The following RSPO2 variants were observed in gnomAD, a reference collection of about 807,000 sequenced individuals.
RSPO2 encodes the protein R-spondin 2.
Under a neutral mutation model 30.9 loss-of-function variants are expected in RSPO2, and 14 were observed. The observed-to-expected ratio is 0.45, with a 90% CI of 0.30 to 0.71. The LOEUF (loss-of-function observed/expected upper bound fraction) is 0.71. RSPO2 is among the 30% of genes least tolerant of loss of function. RSPO2 has a pLI of 0.08. For synonymous variants in RSPO2, 107 were observed against 96.4 expected (o/e 1.11, Z -0.64); for missense variants, 264 against 301.9 (o/e 0.87, Z 0.93).
intron 2 of RSPO2, among the ~76,000 whole-genome samples, chr8:108,024,830 C>A (rs936317898): frequency 6.6e-6 from 1 of 152,042 alleles, no homozygotes; most frequent in Non-Finnish European, 1.5e-5. Context: ...GACCAGCTTG[C>A]GTGACATGGA....
chr8:108,071,199 C>G (rs866659381), intron 2 of RSPO2, among the ~76,000 whole-genome samples: 1 of 152,152 alleles, frequency 6.6e-6, no homozygotes, highest in Non-Finnish European at 1.5e-5. Flanking sequence ...TTACACTAAA[C>G]TTATGATTTG....
At chr8:108,072,492 A>ATTTTTTTTTTTTTT (rs71308776) in intron 2 of RSPO2, among the ~76,000 whole-genome samples, 2 of 122,660 alleles carry the variant, frequency 1.6e-5, no homozygotes, top group African/African-American at 6.4e-5. Flanking sequence ...AGCCCGGCTA[A>ATTTTTTTTTTTTTT]TTTTTTTTTT....
chr8:107,989,050 G>A lies in RSPO2; in HGVS notation c.283+6C>T, dbSNP rs370853411. On this transcript the variant is annotated splice_donor_region_variant and intron_variant, in intron 3 of 5. Transcript: ENST00000276659. ...CAATACAGGATAGACAAAACCAAAT[G>A]CTCACTTGCACATCTGTTCATATCT... The A allele has an allele frequency of 1.3e-6, 2 of 1,589,308 alleles. No homozygotes were observed. Among genetic ancestry groups the A allele is most frequent in the African/African-American group, 1.4e-5 (1 of 73,270 alleles).
chr8:107,990,883 A>G (rs1253088729), intron 2 of RSPO2, among the ~76,000 whole-genome samples: 1 of 152,214 alleles, frequency 6.6e-6, no homozygotes, highest in African/African-American at 2.4e-5. Context: ...TAGAGTATCC[A>G]GAAATAAGAC....
chr8:108,037,805 A>T (rs1476272109), intron 2 of RSPO2, among the ~76,000 whole-genome samples: 1 of 152,150 alleles, frequency 6.6e-6, no homozygotes. Context: ...GGAATAACAA[A>T]ACCTCCATGA....
chr8:108,068,842 C>T (rs1396624377), intron 2 of RSPO2, among the ~76,000 whole-genome samples: 1 of 152,150 alleles, frequency 6.6e-6, no homozygotes, highest in African/African-American at 2.4e-5. Flanking sequence ...TCAGAGAGAG[C>T]ATGAACCTCC....
At chr8:107,931,286 C>A (rs974929385) in intron 5 of RSPO2, among the ~76,000 whole-genome samples, 5 of 152,096 alleles carry the variant, frequency 3.3e-5, no homozygotes, top group African/African-American at 9.7e-5. Flanking sequence ...TTTATTCTCC[C>A]CGTATCCTCC....
At chr8:107,904,015 C>T (rs767278103) in intron 5 of RSPO2, among the ~76,000 whole-genome samples, 9 of 133,044 alleles carry the variant, frequency 6.8e-5, no homozygotes, top group South Asian at 2.3e-4. Context: ...GCTTTTTTCA[C>T]GTTCTAAGAT....
At chr8:107,957,249 G>A (rs1563538461) in intron 5 of RSPO2, among the ~76,000 whole-genome samples, 1 of 152,324 alleles carries the variant, frequency 6.6e-6, no homozygotes, top group African/African-American at 2.4e-5. Flanking sequence ...TTCTTTTACA[G>A]AGCAGTTTTC....
At chr8:107,990,771 G>C (rs535391936) in intron 2 of RSPO2, among the ~76,000 whole-genome samples, 100 of 152,182 alleles carry the variant, frequency 6.6e-4, no homozygotes, top group Non-Finnish European at 1.1e-3. Context: ...AAATAACAAA[G>C]CTGGAGGCAT....
At chr8:108,033,049 CAAAAAAAAAAAAAAAAAA>C (rs35774922) in intron 2 of RSPO2, among the ~76,000 whole-genome samples, 1 of 68,752 alleles carries the variant, frequency 1.5e-5, no homozygotes, top group African/African-American at 6.1e-5. Flanking sequence ...GACTCTGTCT[CAAAAAAAAAAAAAAAAAA>C]AAAAAAAAAA....
At chr8:108,004,120 A>G (rs1815371723) in intron 2 of RSPO2, among the ~76,000 whole-genome samples, 1 of 152,214 alleles carries the variant, frequency 6.6e-6, no homozygotes, top group African/African-American at 2.4e-5. Context: ...CAAAATTAAG[A>G]TATCACCCAC....
At chr8:107,985,505 A>G (rs1294768242) in intron 3 of RSPO2, among the ~76,000 whole-genome samples, 1 of 152,210 alleles carries the variant, frequency 6.6e-6, no homozygotes, top group African/African-American at 2.4e-5. Context: ...ACAAGTTACA[A>G]AACACAATGA....
intron 3 of RSPO2, among the ~76,000 whole-genome samples, chr8:107,967,346 G>A (rs180888390): frequency 2.0e-5 from 3 of 151,956 alleles, no homozygotes; most frequent in Admixed American, 2.0e-4. Flanking sequence ...CTTGCAATGG[G>A]GTTATAAATA....
Position 107,900,818 on chromosome 8 carries a change from C to T in RSPO2, c.*257G>A, listed in dbSNP as rs180899611. On this transcript the variant is annotated 3_prime_UTR_variant, in exon 6 of 6. Coordinates refer to ENST00000276659, the MANE Select transcript of RSPO2 (RefSeq NM_178565.5). ...CACACCTCTAGCATGTCCATGGTGC[C>T]GGGGACGGATTCTCTCAGCACACAC... The T allele has an allele frequency of 7.6e-5, 27 of 355,488 alleles. No individual in the cohort carries two copies. The highest frequency in any genetic ancestry group is 2.5e-4 in the African/African-American group (12 of 47,870). 22.0% of individuals were successfully genotyped at this position (355,488 alleles called of 1,614,324 possible). A position where few individuals can be genotyped will look rare whatever the true frequency, so the allele number is the denominator to read the frequency against.
intron 3 of RSPO2, among the ~76,000 whole-genome samples, chr8:107,975,731 G>T (rs16877053): frequency 0.075 from 11,377 of 152,188 alleles, 908 homozygotes; most frequent in African/African-American, 0.2. Flanking sequence ...CCCTGGTGAG[G>T]TCACATTTTT....
intron 2 of RSPO2, among the ~76,000 whole-genome samples, chr8:108,000,563 G>T (rs1292021028): frequency 1.3e-5 from 2 of 151,812 alleles, no homozygotes; most frequent in African/African-American, 4.8e-5. Context: ...TTAAATCATA[G>T]GCTTAGCACC....
rs117647998 is a variant in RSPO2, at chr8:107,923,960, G to A, written c.617-22770C>T. On this transcript the variant is annotated intron_variant, in intron 5 of 5. Transcript: ENST00000276659. ...TATCGGGGGTTGAGAGTAGAAAGAGGGAGAGAGTCAGGAAAAATAACTAAT... is the reference window on the plus strand; with the variant it reads ...TATCGGGGGTTGAGAGTAGAAAGAGAGAGAGAGTCAGGAAAAATAACTAAT... 8.3e-4 allele frequency among the ~76,000 whole-genome samples: 127 copies of A among 152,108 alleles called. 2 individuals carry two copies. In the East Asian group the frequency reaches 0.021, roughly 25 times the overall value.
At chr8:108,023,014 A>G (rs1195178818) in intron 2 of RSPO2, among the ~76,000 whole-genome samples, 1 of 151,860 alleles carries the variant, frequency 6.6e-6, no homozygotes, top group Non-Finnish European at 1.5e-5. Context: ...GATGCTTTTT[A>G]TTCTCCCTGC....
Sources: gnomAD v4.1 joint callset for allele counts (sites outside exome capture counted in the v4.1 genomes callset) on GRCh38, gnomAD v4.1.1 for gene constraint, MANE v1.5 for transcripts, NCBI Gene and HGNC (gene_info 2026-07-23, HGNC 2026-07-21) for gene names.